Variants in ARFGEF3 observed in about 807,000 individuals in gnomAD.
ARFGEF3 encodes brefeldin A-inhibited guanine nucleotide-exchange protein 3.
Under a neutral mutation model 221.7 loss-of-function variants are expected in ARFGEF3, and 96 were observed. That is an observed-to-expected ratio of 0.43 (90% CI 0.37 to 0.51). ARFGEF3 has a LOEUF of 0.51. ARFGEF3 is among the 20% of genes least tolerant of loss of function. ARFGEF3 has a pLI of 0.00. For synonymous variants in ARFGEF3, 1,145 were observed against 1,126.8 expected (o/e 1.02, Z -0.32); for missense variants, 2,410 against 2,789.9 (o/e 0.86, Z 3.07).
At chr6:138,175,257 G>A (rs1480892342) in intron 2 of ARFGEF3, among the ~76,000 whole-genome samples, 1 of 152,076 alleles carries the variant, frequency 6.6e-6, no homozygotes, top group Non-Finnish European at 1.5e-5. Context: ...CTTTATTAGT[G>A]GCTAGTCATG....
Position 138,162,192 on chromosome 6 carries a change from C to T in ARFGEF3, c.85+21C>T. The T allele has an allele frequency of 1.9e-6, 3 of 1,579,898 alleles. No homozygotes were observed. Among genetic ancestry groups the T allele is most frequent in the Non-Finnish European group, 2.6e-6 (3 of 1,159,898 alleles). On this transcript the variant is annotated intron_variant, in intron 1 of 33. Coordinates refer to ENST00000251691, the MANE Select transcript of ARFGEF3 (RefSeq NM_020340.5). The surrounding 1 kb of genome is among the most constrained non-coding windows in gnomAD (Gnocchi z 4.7). ...CCTGGGTAAGCGTCCGGCACCTGCTCGCCGCGGCGGGAGGGCCGCGCGGCC... is the reference window on the plus strand; with the variant it reads ...CCTGGGTAAGCGTCCGGCACCTGCTTGCCGCGGCGGGAGGGCCGCGCGGCC...
chr6:138,179,984 A>G (rs28624203), intron 2 of ARFGEF3, among the ~76,000 whole-genome samples: 1 of 152,050 alleles, frequency 6.6e-6, no homozygotes, highest in East Asian at 1.9e-4. Flanking sequence ...TAATTTTTTT[A>G]AAATTTTTTG....
intron 32 of ARFGEF3, among the ~76,000 whole-genome samples, chr6:138,329,738 A>G (rs1030374315): frequency 2.6e-5 from 4 of 152,198 alleles, no homozygotes; most frequent in African/African-American, 7.2e-5. Flanking sequence ...TTTCAAGGAC[A>G]GAGTTGCTGC....
chr6:138,231,617 G>A (rs534865193), intron 5 of ARFGEF3, among the ~76,000 whole-genome samples: 57 of 152,298 alleles, frequency 3.7e-4, no homozygotes, highest in African/African-American at 1.2e-3. Context: ...CCATTGCCAC[G>A]TTTGAAATCG....
chr6:138,297,079 C>G, intron 21 of ARFGEF3, 124 bp downstream of exon 21: 3 of 1,069,102 alleles, frequency 2.8e-6, no homozygotes, highest in Non-Finnish European at 4.0e-6. Context: ...GGGAACTTGC[C>G]TATCACCTGG....
intron 4 of ARFGEF3, among the ~76,000 whole-genome samples, chr6:138,229,263 G>T (rs534172387): frequency 6.6e-6 from 1 of 152,210 alleles, no homozygotes; most frequent in Admixed American, 6.5e-5. Flanking sequence ...GCTTTGCCTC[G>T]TGAGTGAGCA....
chr6:138,219,890 T>C lies in ARFGEF3; in HGVS notation c.351+9849T>C, dbSNP rs189536303. 2.6e-3 allele frequency among the ~76,000 whole-genome samples: 401 copies of C among 152,328 alleles called. 1 individual carries two copies. Among genetic ancestry groups the C allele is most frequent in the African/African-American group, 9.4e-3 (390 of 41,580 alleles). On this transcript the variant is annotated intron_variant, in intron 4 of 33. Coordinates refer to ENST00000251691, the MANE Select transcript of ARFGEF3 (RefSeq NM_020340.5). ...GGCATTCCAAAAGAGAAAAAGTTAA[T>C]TGTAAATCCCATCATGTTGACTGAT...
intron 2 of ARFGEF3, among the ~76,000 whole-genome samples, chr6:138,172,269 G>A (rs575950988): frequency 2.0e-5 from 3 of 152,308 alleles, no homozygotes; most frequent in African/African-American, 7.2e-5. Context: ...GGCATGGATA[G>A]TTTAAAGAAG....
chr6:138,311,366 A>G (rs1309193710), intron 24 of ARFGEF3, 41 bp from the exon 25 acceptor site: 3 of 1,329,730 alleles, frequency 2.3e-6, no homozygotes, highest in Non-Finnish European at 3.2e-6. Flanking sequence ...GGGGCACGCA[A>G]GGGTAACACT....
chr6:138,278,361 T>C, intron 12 of ARFGEF3, 90 bp from the exon 13 acceptor site: 1 of 1,129,844 alleles, frequency 8.9e-7, no homozygotes, highest in Middle Eastern at 2.0e-4. Flanking sequence ...TGATGCAGTA[T>C]CTCTCACGAT....
intron 2 of ARFGEF3, among the ~76,000 whole-genome samples, chr6:138,184,099 C>A (rs1053924295): frequency 2.0e-5 from 3 of 152,156 alleles, no homozygotes; most frequent in Non-Finnish European, 4.4e-5. Flanking sequence ...AATTATCCCA[C>A]ATAGCTTCTA....
chr6:138,328,688 G>A (rs6570225), intron 32 of ARFGEF3, among the ~76,000 whole-genome samples: 22,796 of 152,006 alleles, frequency 0.15, 2,964 homozygotes, highest in African/African-American at 0.36. Flanking sequence ...CCCAACCCAT[G>A]ATGTCATACA....
intron 24 of ARFGEF3, 86 bp downstream of exon 24, chr6:138,308,947 T>C: frequency 1.3e-6 from 2 of 1,522,662 alleles, no homozygotes; most frequent in Non-Finnish European, 1.8e-6. Flanking sequence ...GCCTACTGAC[T>C]GTCTGGAACA....
At position 138,286,968 on chromosome 6, in the gene ARFGEF3, A is replaced by C. The variant is rs1779309065; in HGVS notation, c.2785+52A>C. On this transcript the variant is annotated intron_variant, in intron 16 of 33. Coordinates refer to ENST00000251691, the MANE Select transcript of ARFGEF3 (RefSeq NM_020340.5). The stretch of plus-strand genomic sequence containing the variant: ...CCGTGGTCCTGCAGAACTCACTGGG[A>C]ATGACCCAGCAGGGTGGGGCAGGGG... 6 of 1,599,234 alleles carry C rather than the reference A, an allele frequency of 3.8e-6. No homozygotes were observed. The South Asian group carries it at 4.4e-5, about 12-fold the overall frequency.
At chr6:138,313,752 T>C in intron 25 of ARFGEF3, 43 bp from the exon 26 acceptor site, 1 of 1,555,064 alleles carries the variant, frequency 6.4e-7, no homozygotes, top group Non-Finnish European at 8.9e-7. Context: ...AATGCAGCTT[T>C]TTCCAACATA....
intron 1 of ARFGEF3, among the ~76,000 whole-genome samples, chr6:138,168,014 C>G (rs546562773): frequency 6.6e-6 from 1 of 152,310 alleles, no homozygotes; most frequent in East Asian, 1.9e-4. Context: ...TTCAGCCACA[C>G]TGATCTTCTT....
intron 11 of ARFGEF3, among the ~76,000 whole-genome samples, 183 bp downstream of exon 11, chr6:138,261,822 A>G (rs944929496): frequency 1.3e-5 from 2 of 152,214 alleles, no homozygotes; most frequent in Non-Finnish European, 2.9e-5. Flanking sequence ...AACTTTTTAT[A>G]TTTTCATATT....
In ARFGEF3 at chr6:138,336,651, T is replaced by G. The variant is rs1780331458; in HGVS notation, c.*165T>G. 2 of 514,814 alleles carry G rather than the reference T, an allele frequency of 3.9e-6. No homozygotes were observed. The highest frequency in any genetic ancestry group is 3.4e-6 in the Non-Finnish European group (1 of 296,184). 31.9% of individuals were successfully genotyped at this position (514,814 alleles called of 1,614,324 possible). A position where few individuals can be genotyped will look rare whatever the true frequency, so the allele number is the denominator to read the frequency against. On this transcript the variant is annotated 3_prime_UTR_variant, in exon 34 of 34. Coordinates refer to ENST00000251691, the MANE Select transcript of ARFGEF3 (RefSeq NM_020340.5). ...AAGCCTTTCCAACCACTGATCAGCATTGGGGCCATACTAAGGTTTGTATCT... is the reference window on the plus strand; with the variant it reads ...AAGCCTTTCCAACCACTGATCAGCAGTGGGGCCATACTAAGGTTTGTATCT...
At chr6:138,319,592 C>A (rs1779987015) in intron 27 of ARFGEF3, 111 bp from the exon 28 acceptor site, 5 of 736,708 alleles carry the variant, frequency 6.8e-6, no homozygotes, top group Non-Finnish European at 1.1e-5. Context: ...TTTTTCCCTG[C>A]ACTTTCTCAG....
Sources: allele counts gnomAD v4.1 joint callset (sites outside exome capture counted in the v4.1 genomes callset), GRCh38; gene constraint gnomAD v4.1.1; non-coding constraint Gnocchi (gnomAD v3.1); transcripts MANE v1.5; gene names NCBI Gene and HGNC (gene_info 2026-07-23, HGNC 2026-07-21).